ELP4: variants seen among roughly 807,000 people sequenced by gnomAD.
ELP4 encodes elongator acetyltransferase complex subunit 4.
ELP4 carries 51 observed loss-of-function variants against 48.9 expected under a neutral mutation model. The ratio of observed to expected loss-of-function variants is 1.04; its 90% CI spans 0.83 to 1.32. The LOEUF (loss-of-function observed/expected upper bound fraction) is 1.32, where lower values mean the gene tolerates loss of function less well. Ranked by LOEUF, ELP4 falls within the 40% of genes most tolerant of loss-of-function variation. The probability of loss-of-function intolerance (pLI) is 0.00; values close to 1 mark genes in which losing one functional copy is unlikely to be tolerated. For missense variants in ELP4, 519 were observed against 514.6 expected, an observed-to-expected ratio of 1.01 and a Z score of -0.08; for synonymous variants, 210 against 189.2, an observed-to-expected ratio of 1.11 and a Z score of -0.90.
At chr11:31,773,936 T>C (rs1399982977) in intron 9 of ELP4, among the ~76,000 whole-genome samples, 1 of 152,128 alleles carries the variant, frequency 6.6e-6, no homozygotes, top group Non-Finnish European at 1.5e-5. Context: ...TCCCAGCTGC[T>C]CAGGAGGCTG....
chr11:31,769,901 A>C (rs1948102896), intron 9 of ELP4, among the ~76,000 whole-genome samples: 1 of 152,304 alleles, frequency 6.6e-6, no homozygotes, highest in South Asian at 2.1e-4. Flanking sequence ...GTGTTCCTAA[A>C]ATATATTAGT....
intron 5 of ELP4, among the ~76,000 whole-genome samples, chr11:31,604,692 A>G (rs991797594): frequency 6.6e-6 from 1 of 151,966 alleles, no homozygotes; most frequent in Non-Finnish European, 1.5e-5. Flanking sequence ...AGGCGTTGTG[A>G]ACCAAAATGA....
chr11:31,615,957 G>A (rs930977058), intron 5 of ELP4, among the ~76,000 whole-genome samples: 3 of 151,878 alleles, frequency 2.0e-5, no homozygotes, highest in Non-Finnish European at 4.4e-5. Context: ...TTTCTGTCAA[G>A]TACTATTTTT....
chr11:31,726,102 A>C (rs1020843084), intron 9 of ELP4, among the ~76,000 whole-genome samples: 1 of 152,352 alleles, frequency 6.6e-6, no homozygotes, highest in South Asian at 2.1e-4. Context: ...ATGTAAACAG[A>C]GGTTGAGATC....
chr11:31,549,141 CTAAT>C lies in ELP4; in HGVS notation c.381+9362_381+9365del, dbSNP rs1257361281. The stretch of plus-strand genomic sequence containing the variant: ...AAAAGCCAAAATTGACAAATGGGAT[CTAAT>C]TAAACTAAAGAGCTTCTGCACAGCA... On this transcript the variant is annotated intron_variant, in intron 3 of 9. Coordinates refer to ENST00000640961, the MANE Select transcript of ELP4 (RefSeq NM_019040.5). 2.0e-5 allele frequency among the ~76,000 whole-genome samples: 3 copies of C among 151,660 alleles called. No individual in the cohort carries two copies. The East Asian group carries it at 5.8e-4, about 29-fold the overall frequency.
At chr11:31,685,702 C>T (rs1413025010) in intron 9 of ELP4, among the ~76,000 whole-genome samples, 2 of 152,038 alleles carry the variant, frequency 1.3e-5, no homozygotes, top group South Asian at 2.1e-4. Flanking sequence ...GGAGGCCAGG[C>T]GCGCAGATCA....
chr11:31,522,335 C>T (rs563075041), intron 2 of ELP4, among the ~76,000 whole-genome samples: 48 of 152,158 alleles, frequency 3.2e-4, no homozygotes, highest in Non-Finnish European at 6.3e-4. Context: ...TCCTCAGCCT[C>T]CGTTCCTTGA....
At position 31,729,420 on chromosome 11, in the gene ELP4, C is replaced by A. The variant is rs916878856; in HGVS notation, c.1144-53973C>A. Reference sequence around the variant, plus strand: ...TAAAATGAAATAATAGGCAAATAATCATTTTGGGAATTAAATATAAAATGT... The same window carrying A: ...TAAAATGAAATAATAGGCAAATAATAATTTTGGGAATTAAATATAAAATGT... On this transcript the variant is annotated intron_variant, in intron 9 of 9. Coordinates refer to ENST00000640961, the MANE Select transcript of ELP4 (RefSeq NM_019040.5). Among the ~76,000 whole-genome samples the A allele has an allele frequency of 2.6e-5, 4 of 152,218 alleles. No homozygotes were observed. The East Asian group carries it at 7.7e-4, about 29-fold the overall frequency.
chr11:31,690,326 G>A (rs1489133446), intron 9 of ELP4, among the ~76,000 whole-genome samples: 3 of 151,972 alleles, frequency 2.0e-5, no homozygotes, highest in African/African-American at 7.3e-5. Flanking sequence ...CCACAATCCA[G>A]TCCATCTGCC....
In ELP4 at chr11:31,705,024, AT is replaced by A. The variant is rs774818860; in HGVS notation, c.1143+54805del. On this transcript the variant is annotated intron_variant, in intron 9 of 9. Transcript: ENST00000640961. ...GACTCCATCTCAAAAAAAAAAAAAA[AT>A]TATATAGTATATGACTTAAGGATTA... Among the ~76,000 whole-genome samples, 1,075 of 151,028 alleles carry A rather than the reference AT, an allele frequency of 7.1e-3. 31 individuals carry two copies. Among genetic ancestry groups the A allele is most frequent in the Admixed American group, 0.06 (906 of 15,140 alleles).
intron 9 of ELP4, chr11:31,650,466 C>T (rs1945296985): frequency 3.0e-6 from 1 of 334,158 alleles, no homozygotes; most frequent in South Asian, 1.0e-4. Context: ...AAAGTAAGCT[C>T]CAAACTTACA....
chr11:31,564,005 A>C (rs1158305330), intron 3 of ELP4, among the ~76,000 whole-genome samples: 2 of 152,174 alleles, frequency 1.3e-5, no homozygotes, highest in African/African-American at 4.8e-5. Flanking sequence ...TAGAGCTTTT[A>C]TCAAAACACT....
intron 9 of ELP4, among the ~76,000 whole-genome samples, chr11:31,702,748 G>T (rs1222985721): frequency 2.6e-5 from 4 of 152,028 alleles, no homozygotes; most frequent in Non-Finnish European, 5.9e-5. Context: ...ATCTCTGAAA[G>T]TTTTTTAATT....
chr11:31,559,736 T>A (rs1017124263), intron 3 of ELP4, among the ~76,000 whole-genome samples: 14 of 152,018 alleles, frequency 9.2e-5, no homozygotes, highest in African/African-American at 2.7e-4. Context: ...AAACCTCATC[T>A]CTACTAAACA....
intron 9 of ELP4, among the ~76,000 whole-genome samples, chr11:31,666,371 C>T (rs751465595): frequency 1.8e-4 from 27 of 151,916 alleles, no homozygotes; most frequent in African/African-American, 6.5e-4. Context: ...AACACTATAG[C>T]GGAAAACACT....
chr11:31,583,409 G>A (rs572011521), intron 3 of ELP4, among the ~76,000 whole-genome samples: 1 of 152,260 alleles, frequency 6.6e-6, no homozygotes, highest in Non-Finnish European at 1.5e-5. Flanking sequence ...ATTTCTAACA[G>A]TAGAGAAATG....
intron 3 of ELP4, among the ~76,000 whole-genome samples, chr11:31,566,720 T>C (rs1393165756): frequency 6.6e-6 from 1 of 152,220 alleles, no homozygotes; most frequent in East Asian, 1.9e-4. Context: ...AGATGCATCA[T>C]TATTAAATAT....
chr11:31,743,374 A>T lies in ELP4; in HGVS notation c.1144-40019A>T, dbSNP rs551691082. On this transcript the variant is annotated intron_variant, in intron 9 of 9. Transcript: ENST00000640961. Reference sequence around the variant, plus strand: ...GTTAACAAGGATACCCAGGAATTGAACTCAGCTCTGCACCAAGTGGACCTA... The same window carrying T: ...GTTAACAAGGATACCCAGGAATTGATCTCAGCTCTGCACCAAGTGGACCTA... 1.7e-4 allele frequency among the ~76,000 whole-genome samples: 26 copies of T among 152,316 alleles called. No individual in the cohort carries two copies. The East Asian group carries it at 4.2e-3, about 25-fold the overall frequency.
At chr11:31,553,764 A>ACACACACACACAC (rs1491538602) in intron 3 of ELP4, among the ~76,000 whole-genome samples, 1 of 141,962 alleles carries the variant, frequency 7.0e-6, no homozygotes, top group African/African-American at 2.6e-5. Context: ...ACACACACAC[A>ACACACACACACAC]CCCTATTGGT....
Sources: allele counts gnomAD v4.1 joint callset (sites outside exome capture counted in the v4.1 genomes callset), GRCh38; gene constraint gnomAD v4.1.1; transcripts MANE v1.5; gene names NCBI Gene and HGNC (gene_info 2026-07-23, HGNC 2026-07-21).